Variants in PDE9A observed in about 807,000 individuals in gnomAD.
The protein encoded by PDE9A is phosphodiesterase 9A, also known as high affinity cGMP-specific 3',5'-cyclic phosphodiesterase 9A.
In PDE9A, 60 loss-of-function variants were observed where a neutral mutation model predicts 87.4. The ratio of observed to expected loss-of-function variants is 0.69; its 90% CI spans 0.56 to 0.85. PDE9A has a LOEUF of 0.85. Ranked by LOEUF, PDE9A falls within the 40% of genes least tolerant of loss-of-function variation. PDE9A has a pLI of 0.00. For missense variants in PDE9A, 665 were observed against 779.0 expected (o/e 0.85, Z 1.74); for synonymous variants, 272 against 279.4 (o/e 0.97, Z 0.27).
At position 42,760,396 on chromosome 21, in the gene PDE9A, G is replaced by T; in HGVS notation, c.966G>T (p.Gln322His). The T allele has an allele frequency of 1.2e-6, 2 of 1,608,718 alleles. No homozygotes were observed. The highest frequency in any genetic ancestry group is 1.7e-6 in the Non-Finnish European group (2 of 1,179,118). The change falls in exon 12 of 20, where the codon CAG becomes CAT. Residue 322 changes from glutamine to histidine, a missense_variant. Physicochemically the swap from Gln to His is conservative, Grantham distance 24. Transcript: ENST00000291539. This position sits in a 1 kb window ranked among gnomAD's most constrained non-coding sequence, Gnocchi z 5.2. The part of the protein sequence containing the change: ...HNFRHCFCVA[Q>H]MMYSMVWLCS... ...TCCGGCACTGCTTCTGCGTGGCCCA[G>T]ATGATGTACAGCATGGTCTGGCTCT...
In PDE9A at chr21:42,699,003, A is replaced by G. The variant is rs753861851; in HGVS notation, c.254A>G (p.Gln85Arg). The change falls in exon 4 of 20, where the codon CAA (glutamine) becomes CGA (arginine). Residue 85 changes from glutamine (Q) to arginine (R), a missense_variant. Coordinates refer to ENST00000291539, the MANE Select transcript of PDE9A (RefSeq NM_002606.3). ...AAAGTGAGACCTGTGGCCATCAAGC[A>G]ACTCTCCGGTAAGGCCCTGCTGTCG... ...PYKVRPVAIKQLSAGVEDKRT... is the reference protein window; with the variant it reads ...PYKVRPVAIKRLSAGVEDKRT... 5 of 1,611,042 alleles carry G rather than the reference A, an allele frequency of 3.1e-6. No homozygotes were observed. The African/African-American group carries it at 6.7e-5, about 22-fold the overall frequency.
chr21:42,703,975 G>T (rs1316049600), intron 4 of PDE9A, among the ~76,000 whole-genome samples: 1 of 152,258 alleles, frequency 6.6e-6, no homozygotes, highest in East Asian at 1.9e-4. Flanking sequence ...CTCTACAGAG[G>T]GCTGGGGTTG....
Position 42,660,415 on chromosome 21 carries a change from C to A in PDE9A, c.69+6532C>A, listed in dbSNP as rs1398488112. On this transcript the variant is annotated intron_variant, in intron 1 of 19. Coordinates refer to ENST00000291539, the MANE Select transcript of PDE9A (RefSeq NM_002606.3). This position sits in a 1 kb window ranked among gnomAD's most constrained non-coding sequence, Gnocchi z 4.7. ...GTGCCTGGCTTGTGGAGGTTGAGAC[C>A]AAGGCCAGTTGGGTGCTTGCATTTC... 3.9e-5 allele frequency among the ~76,000 whole-genome samples: 6 copies of A among 152,050 alleles called. No homozygotes were observed. Among genetic ancestry groups the A allele is most frequent in the Non-Finnish European group, 8.8e-5 (6 of 67,992 alleles).
At chr21:42,673,840 C>G (rs180930541) in intron 1 of PDE9A, among the ~76,000 whole-genome samples, 3 of 152,346 alleles carry the variant, frequency 2.0e-5, no homozygotes, top group Admixed American at 2.0e-4. Context: ...GCGACGCTGC[C>G]CTGCGACTCG....
In PDE9A at chr21:42,653,858, T is replaced by A; in HGVS notation, c.44T>A (p.Leu15Gln). 1 of 1,565,276 alleles carries A rather than the reference T, an allele frequency of 6.4e-7. No homozygotes were observed. The highest frequency in any genetic ancestry group is 1.2e-5 in the South Asian group (1 of 85,622). Residue 15 changes from leucine to glutamine, a missense_variant, in exon 1 of 20, where the codon CTG becomes CAG. Physicochemically the swap from Leu to Gln is moderately radical, Grantham distance 113. Coordinates refer to ENST00000291539, the MANE Select transcript of PDE9A (RefSeq NM_002606.3). ...AGCTACCGGCCCAAGGCCATCTACCTGGACATCGATGGACGCATTCAGAAG... is the reference window on the plus strand; with the variant it reads ...AGCTACCGGCCCAAGGCCATCTACCAGGACATCGATGGACGCATTCAGAAG... Reference protein sequence around the residue: ...SSSYRPKAIYLDIDGRIQKVI... With the variant: ...SSSYRPKAIYQDIDGRIQKVI...
intron 4 of PDE9A, chr21:42,724,506 G>C (rs1473661794): frequency 1.5e-6 from 1 of 653,398 alleles, no homozygotes; most frequent in South Asian, 6.8e-5. Flanking sequence ...GTGGATGCGT[G>C]GGTGTGGTTG....
intron 1 of PDE9A, among the ~76,000 whole-genome samples, chr21:42,676,014 A>C (rs754781443): frequency 5.7e-4 from 87 of 152,014 alleles, no homozygotes; most frequent in Non-Finnish European, 1.0e-3. Context: ...CTGGTTGTTT[A>C]TGTGTGAAGG....
rs115523880 is a variant in PDE9A at position 42,762,179 on chromosome 21, C to T, written c.1182C>T (p.Ala394=). Residue 394 remains alanine (A), a synonymous_variant, in exon 14 of 20, where the codon GCC becomes GCT. Transcript: ENST00000291539. ...GCGCCGTGGCCTTCCAGATCCTCGC[C>T]GAGCCTGAGTGCAACATCTTCTCCA... is the stretch of plus-strand genomic sequence containing the variant. ...HHCAVAFQIL[A]EPECNIFSNI... 330 of 1,614,198 alleles carry T rather than the reference C, an allele frequency of 2.0e-4. No individual in the cohort carries two copies. The East Asian group carries it at 3.0e-3, about 15-fold the overall frequency.
chr21:42,736,520 G>A (rs764182870), intron 7 of PDE9A, among the ~76,000 whole-genome samples: 17 of 152,146 alleles, frequency 1.1e-4, no homozygotes, highest in African/African-American at 2.2e-4. Flanking sequence ...TTGACCCACC[G>A]AGCTCAGGCT....
At chr21:42,741,232 G>C (rs2053220543) in intron 7 of PDE9A, 1 of 152,262 alleles carries the variant, frequency 6.6e-6, no homozygotes, top group African/African-American at 2.4e-5. Context: ...TCTAGACAAA[G>C]CCAAGGAGCA....
chr21:42,668,798 C>A (rs994825583), intron 1 of PDE9A, among the ~76,000 whole-genome samples: 11 of 151,992 alleles, frequency 7.2e-5, no homozygotes, highest in Admixed American at 2.0e-4. Context: ...CTGAGCGTGA[C>A]CTGGAGGGCT....
chr21:42,682,058 C>A (rs1255323766), intron 1 of PDE9A, among the ~76,000 whole-genome samples: 10 of 152,252 alleles, frequency 6.6e-5, no homozygotes, highest in Non-Finnish European at 1.3e-4. Flanking sequence ...CTAGGGCTCA[C>A]GCCTCATGCC....
rs1489581601 is a variant in PDE9A at position 42,768,170 on chromosome 21, C to CA, written c.1357-14dup. 2.6e-6 allele frequency: 4 copies of CA among 1,527,718 alleles called. No homozygotes were observed. The highest frequency in any genetic ancestry group is 2.7e-6 in the Non-Finnish European group (3 of 1,101,444). The allele number at this position is 1,527,718 out of a possible 1,614,324, so 94.6% of individuals were successfully genotyped here. ...GTTCTACCTCCTGTTACCTCAATTC[C>CA]AAAATCTCTTCTTTCAGCTGAAGAT... On this transcript the variant is annotated splice_polypyrimidine_tract_variant and intron_variant, in intron 15 of 19. Coordinates refer to ENST00000291539, the MANE Select transcript of PDE9A (RefSeq NM_002606.3).
intron 1 of PDE9A, among the ~76,000 whole-genome samples, chr21:42,672,787 G>T (rs147341027): frequency 1.3e-5 from 2 of 152,226 alleles, no homozygotes; most frequent in African/African-American, 2.4e-5. Context: ...AGCTTCTGTC[G>T]CACTGTGGAC....
chr21:42,686,283 C>G, intron 2 of PDE9A, 21 bp downstream of exon 2: 2 of 1,606,160 alleles, frequency 1.2e-6, no homozygotes, highest in Non-Finnish European at 1.7e-6. Flanking sequence ...GCTGCGGGCT[C>G]TGCCCGGTGA....
chr21:42,744,731 C>T (rs540390035), intron 8 of PDE9A, among the ~76,000 whole-genome samples: 1 of 152,332 alleles, frequency 6.6e-6, no homozygotes, highest in Non-Finnish European at 1.5e-5. Context: ...TTGTGTACAG[C>T]AGGACTCTTT....
At chr21:42,685,950 C>G (rs1337025823) in intron 1 of PDE9A, among the ~76,000 whole-genome samples, 1 of 152,152 alleles carries the variant, frequency 6.6e-6, no homozygotes, top group East Asian at 1.9e-4. Flanking sequence ...GGCGTGTGGG[C>G]AAGGGGGCAT....
intron 6 of PDE9A, among the ~76,000 whole-genome samples, chr21:42,733,064 C>A (rs2052007672): frequency 6.6e-6 from 1 of 152,216 alleles, no homozygotes; most frequent in Non-Finnish European, 1.5e-5. Flanking sequence ...GAGAGAGGGC[C>A]ATGTGTCCAC....
intron 10 of PDE9A, chr21:42,758,280 G>A (rs1393715239): frequency 1.3e-5 from 2 of 152,210 alleles, no homozygotes; most frequent in African/African-American, 4.8e-5. Context: ...TCACCACAAT[G>A]ACAATCCTCT....
Sources: allele counts gnomAD v4.1 joint callset (sites outside exome capture counted in the v4.1 genomes callset), GRCh38; gene constraint gnomAD v4.1.1; non-coding constraint Gnocchi (gnomAD v3.1); transcripts MANE v1.5; gene names NCBI Gene and HGNC (gene_info 2026-07-23, HGNC 2026-07-21).